CNGA1: variants seen among roughly 807,000 people sequenced by gnomAD.
CNGA1 encodes the protein cyclic nucleotide-gated channel alpha-1.
Under a neutral mutation model 69.7 loss-of-function variants are expected in CNGA1, and 53 were observed. The observed-to-expected ratio is 0.76, with a 90% CI of 0.61 to 0.96. The LOEUF (loss-of-function observed/expected upper bound fraction) is 0.96. Ranked by LOEUF, CNGA1 falls within the 40% of genes least tolerant of loss-of-function variation. The probability of loss-of-function intolerance (pLI) is 0.00; values close to 1 mark genes in which losing one functional copy is unlikely to be tolerated. For synonymous variants in CNGA1, 249 were observed against 283.5 expected, an observed-to-expected ratio of 0.88 and a Z score of 1.22; for missense variants, 739 against 811.2, an observed-to-expected ratio of 0.91 and a Z score of 1.08.
At chr4:47,984,647 A>AATATATATATAT (rs1553868840) in intron 2 of CNGA1, among the ~76,000 whole-genome samples, 37 of 64,480 alleles carry the variant, frequency 5.7e-4, no homozygotes, top group Admixed American at 1.5e-3. Flanking sequence ...AAATAAAAAA[A>AATATATATATAT]ATATATATAT....
At position 48,016,657 on chromosome 4, in the gene CNGA1, C is replaced by G. The variant is rs570313956; in HGVS notation, c.-397G>C. 4.2e-5 allele frequency: 24 copies of G among 568,582 alleles called. No homozygotes were observed. Among genetic ancestry groups the G allele is most frequent in the Middle Eastern group, 4.7e-4 (1 of 2,138 alleles). 35.2% of individuals were successfully genotyped at this position (568,582 alleles called of 1,614,324 possible). On this transcript the variant is annotated 5_prime_UTR_variant, in exon 1 of 11. Coordinates refer to ENST00000514170, the MANE Select transcript of CNGA1 (RefSeq NM_001379270.1). The stretch of plus-strand genomic sequence containing the variant: ...GGCCCTGAGAATTCGCAACAAGCCC[C>G]GGGCAGCAGGGCTCGGCTGGCGCTG...
At chr4:47,957,038 A>G (rs1740133779) in intron 3 of CNGA1, among the ~76,000 whole-genome samples, 1 of 152,068 alleles carries the variant, frequency 6.6e-6, no homozygotes, top group South Asian at 2.1e-4. Context: ...GGTTCAAGTG[A>G]TTCTCCTGCC....
intron 4 of CNGA1, among the ~76,000 whole-genome samples, chr4:47,951,710 A>G (rs1382104645): frequency 1.3e-5 from 2 of 152,216 alleles, no homozygotes; most frequent in Non-Finnish European, 2.9e-5. Context: ...GGTTTTCCAC[A>G]TTCCTATTGT....
At chr4:47,978,929 G>A (rs1741554819) in intron 3 of CNGA1, among the ~76,000 whole-genome samples, 1 of 152,130 alleles carries the variant, frequency 6.6e-6, no homozygotes, top group Non-Finnish European at 1.5e-5. Context: ...TAAAGCTCAA[G>A]TTGATTTGTA....
intron 2 of CNGA1, among the ~76,000 whole-genome samples, chr4:47,993,120 G>T (rs927224865): frequency 6.6e-6 from 1 of 151,970 alleles, no homozygotes; most frequent in African/African-American, 2.4e-5. Flanking sequence ...TAGCATCTAC[G>T]TTCATCAGGG....
chr4:47,992,978 T>C (rs913705694), intron 2 of CNGA1, among the ~76,000 whole-genome samples: 1 of 152,216 alleles, frequency 6.6e-6, no homozygotes, highest in African/African-American at 2.4e-5. Context: ...ATTCTCTTTA[T>C]GTGGTGTATC....
At chr4:47,992,707 G>A (rs1578119859) in intron 2 of CNGA1, among the ~76,000 whole-genome samples, 1 of 144,476 alleles carries the variant, frequency 6.9e-6, no homozygotes, top group Admixed American at 7.1e-5. Flanking sequence ...GATTGCTCTG[G>A]CTAGGAGTTC....
At chr4:47,970,767 G>A (rs1740972379) in intron 3 of CNGA1, 1 of 392,782 alleles carries the variant, frequency 2.5e-6, no homozygotes, top group Non-Finnish European at 5.0e-6. Context: ...CCTACCTCTG[G>A]TACCTTGTTA....
At chr4:48,003,154 T>C (rs138888921) in intron 2 of CNGA1, among the ~76,000 whole-genome samples, 38 of 152,158 alleles carry the variant, frequency 2.5e-4, no homozygotes, top group East Asian at 1.4e-3. Flanking sequence ...AATCAACATA[T>C]GTAAGGTGAA....
chr4:48,006,664 C>T (rs1037683404), intron 2 of CNGA1, among the ~76,000 whole-genome samples: 1 of 152,032 alleles, frequency 6.6e-6, no homozygotes, highest in Non-Finnish European at 1.5e-5. Context: ...CTCTGTCACC[C>T]AGGCTGGAGT....
Position 47,955,173 on chromosome 4 carries a change from C to CTTTTT in CNGA1, c.-14-2475_-14-2471dup, listed in dbSNP as rs377338639. On this transcript the variant is annotated intron_variant, in intron 3 of 10. Coordinates refer to ENST00000514170, the MANE Select transcript of CNGA1 (RefSeq NM_001379270.1). Reference sequence around the variant, plus strand: ...TTTTTCTCTGTCTCTTTTTTCTTTTCTTTTTTTTTTTTTTTTTTTTTTTTT... The same window carrying CTTTTT: ...TTTTTCTCTGTCTCTTTTTTCTTTTCTTTTTTTTTTTTTTTTTTTTTTTTTTTTTT... Among the ~76,000 whole-genome samples, 269 of 98,210 alleles carry CTTTTT rather than the reference C, an allele frequency of 2.7e-3. 1 individual carries two copies. Among genetic ancestry groups the CTTTTT allele is most frequent in the Non-Finnish European group, 4.2e-3 (213 of 51,080 alleles). The allele number at this position is 98,210 out of a possible 152,430, so 64.4% of individuals were successfully genotyped here. A position where few individuals can be genotyped will look rare whatever the true frequency, so the allele number is the denominator to read the frequency against.
chr4:47,952,358 A>G (rs998150787), intron 4 of CNGA1, among the ~76,000 whole-genome samples: 20 of 147,808 alleles, frequency 1.4e-4, no homozygotes, highest in African/African-American at 4.5e-4. Flanking sequence ...ACAGAGTGAG[A>G]CTCCATCTCA....
intron 3 of CNGA1, among the ~76,000 whole-genome samples, chr4:47,959,890 G>GC (rs936225712): frequency 4.6e-5 from 7 of 152,252 alleles, no homozygotes; most frequent in African/African-American, 1.7e-4. Context: ...ACAGTTGTGA[G>GC]CCACCACGTC....
rs1265699955 is a variant in CNGA1 at position 47,936,960 on chromosome 4, T to C, written c.1522A>G (p.Ile508Val). 2 of 1,614,002 alleles carry C rather than the reference T, an allele frequency of 1.2e-6. No homozygotes were observed. The highest frequency in any genetic ancestry group is 1.7e-6 in the Non-Finnish European group (2 of 1,179,862). Residue 508 changes from isoleucine to valine, a missense_variant, in exon 11 of 11, where the codon ATC (isoleucine) becomes GTC (valine). Ile to Val is a conservative substitution (Grantham distance 29). Transcript: ENST00000514170. ...PGDYICKKGD[I>V]GREMYIIKEG... ...TTGATAATGTACATCTCTCGTCCGA[T>C]ATCCCCTTTCTTGCAAATATAATCT...
intron 2 of CNGA1, among the ~76,000 whole-genome samples, chr4:48,009,503 A>G (rs1715059074): frequency 6.7e-6 from 1 of 149,886 alleles, no homozygotes; most frequent in Non-Finnish European, 1.5e-5. Flanking sequence ...AAATCATGTA[A>G]ACTTGAAAAA....
At chr4:47,940,548 G>C (rs1244920100) in intron 10 of CNGA1, among the ~76,000 whole-genome samples, 2 of 152,162 alleles carry the variant, frequency 1.3e-5, no homozygotes, top group Non-Finnish European at 2.9e-5. Context: ...ACATCTACTT[G>C]TCAAAAAGTT....
At chr4:47,969,022 A>C (rs926804059) in intron 3 of CNGA1, among the ~76,000 whole-genome samples, 9 of 152,042 alleles carry the variant, frequency 5.9e-5, no homozygotes, top group Non-Finnish European at 1.5e-5. Context: ...GTCATTGAAG[A>C]TTTTAAGGCA....
Position 47,964,906 on chromosome 4 carries a change from C to T in CNGA1, c.-14-12203G>A, listed in dbSNP as rs187760782. On this transcript the variant is annotated intron_variant, in intron 3 of 10. Coordinates refer to ENST00000514170, the MANE Select transcript of CNGA1 (RefSeq NM_001379270.1). ...GTATATTAACTCTTTACTTTTGCTA[C>T]GTCAGGAAATTATTTATTCTTATTT... 2.7e-4 allele frequency among the ~76,000 whole-genome samples: 41 copies of T among 152,148 alleles called. No individual in the cohort carries two copies. In the East Asian group the frequency reaches 6.6e-3, roughly 24 times the overall value.
At chr4:47,964,834 G>C (rs1017769661) in intron 3 of CNGA1, among the ~76,000 whole-genome samples, 2 of 151,922 alleles carry the variant, frequency 1.3e-5, no homozygotes, top group African/African-American at 4.8e-5. Flanking sequence ...ATTCCTACAT[G>C]TTTTATATTT....
Sources: allele counts gnomAD v4.1 joint callset (sites outside exome capture counted in the v4.1 genomes callset), GRCh38; gene constraint gnomAD v4.1.1; transcripts MANE v1.5; gene names NCBI Gene and HGNC (gene_info 2026-07-23, HGNC 2026-07-21).